Variants in DNM1 observed in about 807,000 individuals in gnomAD.
DNM1 encodes dynamin 1.
DNM1 carries 29 observed loss-of-function variants against 104.6 expected under a neutral mutation model. The ratio of observed to expected loss-of-function variants is 0.28; its 90% CI spans 0.21 to 0.38. DNM1 has a LOEUF of 0.38. Among genes scored for constraint, DNM1 ranks in the 10% least tolerant of loss-of-function variants. The probability of loss-of-function intolerance (pLI) is 1.00; values close to 1 mark genes in which losing one functional copy is unlikely to be tolerated. For missense variants in DNM1, 640 were observed against 1,189.4 expected (o/e 0.54, Z 6.79); for synonymous variants, 445 against 475.8 (o/e 0.94, Z 0.84).
At chr9:128,223,092 G>T (rs943065719) in intron 9 of DNM1, 1 of 539,816 alleles carries the variant, frequency 1.9e-6, no homozygotes, top group African/African-American at 1.9e-5. Context: ...AGCCCAGGGC[G>T]CAGGTGGCCG....
rs1834912981 is a variant in DNM1, at chr9:128,220,742, C to CGTTTGTGTGT, written c.849+403_849+404insTTGTGTGTGT. ...CAGAACTGAAGTGCGCGCGCGCGCG[C>CGTTTGTGTGT]GTGTGTGTGTGTGTGTGTGTGTGTG... On this transcript the variant is annotated intron_variant, in intron 6 of 21. Transcript: ENST00000372923. The surrounding 1 kb of genome is among the most constrained non-coding windows in gnomAD (Gnocchi z 5.2). Among the ~76,000 whole-genome samples, 1 of 136,278 alleles carries CGTTTGTGTGT rather than the reference C, an allele frequency of 7.3e-6. No homozygotes were observed. The highest frequency in any genetic ancestry group is 7.3e-5 in the Admixed American group (1 of 13,658). 89.4% of individuals were successfully genotyped at this position (136,278 alleles called of 152,430 possible).
intron 10 of DNM1, among the ~76,000 whole-genome samples, chr9:128,229,920 A>G (rs1835573720): frequency 6.6e-6 from 1 of 150,876 alleles, no homozygotes; most frequent in South Asian, 2.1e-4. Context: ...CTCAAAGGAA[A>G]AAAAAGGGAG....
chr9:128,205,119 A>G (rs1009900308), intron 1 of DNM1, among the ~76,000 whole-genome samples: 2 of 152,146 alleles, frequency 1.3e-5, no homozygotes, highest in African/African-American at 4.8e-5. Context: ...GCTCCTGCAG[A>G]GCCCCCCTTC....
intron 1 of DNM1, among the ~76,000 whole-genome samples, chr9:128,206,163 C>T (rs1564318172): frequency 6.6e-6 from 1 of 152,132 alleles, no homozygotes; most frequent in Non-Finnish European, 1.5e-5. Flanking sequence ...AACAGCCATT[C>T]TGTCTCCTGG....
Position 128,218,681 on chromosome 9 carries a change from A to G in DNM1, c.335A>G (p.Asn112Ser), listed in dbSNP as rs1834757521. The change falls in exon 3 of 22, where the codon AAC becomes AGC. Residue 112 changes from asparagine to serine, a missense_variant. By Grantham distance (46) the Asn-to-Ser change is conservative. Around this residue, in one of 7 missense-constraint regions of DNM1, gnomAD observed 172 missense variants for 335.3 expected, o/e 0.51. Transcript: ENST00000372923. This position sits in a 1 kb window ranked among gnomAD's most constrained non-coding sequence, Gnocchi z 4.8. ...EAETDRVTGT[N>S]KGISPVPINL... ...GAGACCGACAGGGTCACCGGCACCA[A>G]CAAGGGCATCTCGCCGGTGCCTATC... The G allele has an allele frequency of 6.2e-7, 1 of 1,612,872 alleles. No individual in the cohort carries two copies. Among genetic ancestry groups the G allele is most frequent in the Non-Finnish European group, 8.5e-7 (1 of 1,179,212 alleles).
chr9:128,253,588 T>G lies in DNM1; in HGVS notation c.2535-1066T>G. 5.0e-6 allele frequency: 1 copy of G among 199,276 alleles called. No homozygotes were observed. The highest frequency in any genetic ancestry group is 1.0e-5 in the Non-Finnish European group (1 of 99,086). The allele number at this position is 199,276 out of a possible 1,614,324, so 12.3% of individuals were successfully genotyped here. A position where few individuals can be genotyped will look rare whatever the true frequency, so the allele number is the denominator to read the frequency against. ...TGAGTCATGCTCCCTGGGTAGGGCA[T>G]CCAGCTCCCAGCCTGGGAGTGCTGA... On this transcript the variant is annotated intron_variant, in intron 21 of 21. Coordinates refer to ENST00000372923, the MANE Select transcript of DNM1 (RefSeq NM_004408.4). This position sits in a 1 kb window ranked among gnomAD's most constrained non-coding sequence, Gnocchi z 5.9.
intron 20 of DNM1, 46 bp downstream of exon 20, chr9:128,250,402 C>A (rs1169290760): frequency 3.3e-6 from 5 of 1,516,986 alleles, no homozygotes; most frequent in African/African-American, 1.4e-5. Flanking sequence ...CAGCCCGGGG[C>A]CCGCGGGAGG....
chr9:128,233,896 C>T lies in DNM1; in HGVS notation c.1336-125C>T, dbSNP rs142424427. The T allele has an allele frequency of 9.0e-5, 75 of 835,844 alleles. 1 individual carries two copies. Among genetic ancestry groups the T allele is most frequent in the Middle Eastern group, 6.8e-4 (2 of 2,954 alleles). The allele number at this position is 835,844 out of a possible 1,614,324, so 51.8% of individuals were successfully genotyped here. On this transcript the variant is annotated intron_variant, in intron 10 of 21. Transcript: ENST00000372923. ...CCTGGGACCCTAGGTCTCTCTTCCC[C>T]GCGTTGTGGGCATTCTGTGTGTGCC...
intron 14 of DNM1, 40 bp from the exon 15 acceptor site, chr9:128,242,192 C>G (rs1189991539): frequency 1.7e-6 from 2 of 1,185,036 alleles, no homozygotes; most frequent in South Asian, 1.2e-5. Context: ...TGGGGAGGCT[C>G]AGGCCCTGTC....
At chr9:128,231,853 A>G (rs1192437223) in intron 10 of DNM1, 4 of 349,104 alleles carry the variant, frequency 1.1e-5, no homozygotes, top group African/African-American at 2.2e-5. Flanking sequence ...AAGGAGAGTC[A>G]GCGGACAGCG....
Position 128,220,926 on chromosome 9 carries a change from TTTC to T in DNM1, c.849+588_849+590del, listed in dbSNP as rs1336557818. Among the ~76,000 whole-genome samples the T allele has an allele frequency of 2.8e-4, 39 of 140,176 alleles. No homozygotes were observed. Among genetic ancestry groups the T allele is most frequent in the East Asian group, 1.8e-3 (9 of 4,998 alleles). The allele number at this position is 140,176 out of a possible 152,430, so 92.0% of individuals were successfully genotyped here. On this transcript the variant is annotated intron_variant, in intron 6 of 21. Transcript: ENST00000372923. The surrounding 1 kb of genome is among the most constrained non-coding windows in gnomAD (Gnocchi z 5.2). ...CTTTCTTTCTTTCTTTCTTTCTTTCTTTCTTTCTTTTCTTTTCTTTCTTTCTTT... is the reference window on the plus strand; with the variant it reads ...CTTTCTTTCTTTCTTTCTTTCTTTCTTTTCTTTTCTTTTCTTTCTTTCTTT...
chr9:128,254,333 C>T lies in DNM1; in HGVS notation c.2535-321C>T, dbSNP rs1261794393. The T allele has an allele frequency of 2.1e-6, 3 of 1,402,898 alleles. No individual in the cohort carries two copies. The highest frequency in any genetic ancestry group is 1.5e-5 in the African/African-American group (1 of 68,184). 86.9% of individuals were successfully genotyped at this position (1,402,898 alleles called of 1,614,324 possible). ...AGGGTGACCAGAGAAGAGGGAAGCC[C>T]GAGGGGGCCGAGCATCAGCCTGAAT... On this transcript the variant is annotated intron_variant, in intron 21 of 21. Coordinates refer to ENST00000372923, the MANE Select transcript of DNM1 (RefSeq NM_004408.4). The surrounding 1 kb of genome is among the most constrained non-coding windows in gnomAD (Gnocchi z 6.1).
chr9:128,237,908 G>A (rs1836111755), intron 11 of DNM1, among the ~76,000 whole-genome samples: 1 of 151,982 alleles, frequency 6.6e-6, no homozygotes, highest in Non-Finnish European at 1.5e-5. Context: ...CCAAGTAGCT[G>A]GGACCACAGG....
At chr9:128,235,271 G>A (rs574840014) in intron 11 of DNM1, among the ~76,000 whole-genome samples, 5 of 152,046 alleles carry the variant, frequency 3.3e-5, no homozygotes, top group South Asian at 2.1e-4. Context: ...CAAGGTGGGC[G>A]GATCACGAGG....
In DNM1 at chr9:128,234,110, G is replaced by A. The variant is rs1280163668; in HGVS notation, c.1422+3G>A. 3.9e-6 allele frequency: 6 copies of A among 1,540,180 alleles called. No individual in the cohort carries two copies. Among genetic ancestry groups the A allele is most frequent in the Non-Finnish European group, 4.4e-6 (5 of 1,140,862 alleles). On this transcript the variant is annotated splice_donor_region_variant and intron_variant, in intron 11 of 21. Transcript: ENST00000372923. Reference sequence around the variant, plus strand: ...GCGAGGGCCGCACTAAGGAGCAGGTGAGCCCCGCAGCACCCGGCCTGGCCG... The same window carrying A: ...GCGAGGGCCGCACTAAGGAGCAGGTAAGCCCCGCAGCACCCGGCCTGGCCG...
intron 10 of DNM1, among the ~76,000 whole-genome samples, chr9:128,232,995 G>C (rs41276238): frequency 0.054 from 8,164 of 152,266 alleles, 369 homozygotes; most frequent in East Asian, 0.23. Context: ...GGAGTGGAGA[G>C]AGGCCCCTAA....
intron 6 of DNM1, chr9:128,221,012 T>C (rs1172798708): frequency 6.7e-6 from 1 of 149,632 alleles, no homozygotes; most frequent in Non-Finnish European, 1.5e-5. Context: ...CCTTCCTTCC[T>C]TCCTTTCTTT....
At chr9:128,208,500 C>G (rs1444958875) in intron 1 of DNM1, among the ~76,000 whole-genome samples, 2 of 152,158 alleles carry the variant, frequency 1.3e-5, no homozygotes, top group Non-Finnish European at 2.9e-5. Context: ...CTGAACACAC[C>G]AGGATGCATC....
Position 128,253,769 on chromosome 9 carries a change from C to A in DNM1, c.2535-885C>A. ...AGGCCAGGCAGGGACACACAGCCCC[C>A]TTCCCTCCCTCCCAGGTACCGTCAT... On this transcript the variant is annotated intron_variant, in intron 21 of 21. Coordinates refer to ENST00000372923, the MANE Select transcript of DNM1 (RefSeq NM_004408.4). The surrounding 1 kb of genome is among the most constrained non-coding windows in gnomAD (Gnocchi z 5.9). 1 of 428,662 alleles carries A rather than the reference C, an allele frequency of 2.3e-6. No individual in the cohort carries two copies. The highest frequency in any genetic ancestry group is 3.8e-6 in the Non-Finnish European group (1 of 261,860). The allele number at this position is 428,662 out of a possible 1,614,324, so 26.6% of individuals were successfully genotyped here. A position where few individuals can be genotyped will look rare whatever the true frequency, so the allele number is the denominator to read the frequency against.
Sources: gnomAD v4.1 joint callset for allele counts (sites outside exome capture counted in the v4.1 genomes callset) on GRCh38, gnomAD v4.1.1 for gene constraint, gnomAD v4.1.1 regional missense constraint, Gnocchi (gnomAD v3.1) non-coding constraint, MANE v1.5 for transcripts, NCBI Gene and HGNC (gene_info 2026-07-23, HGNC 2026-07-21) for gene names.